The following ITGBL1 variants were observed in gnomAD, a reference collection of about 807,000 sequenced individuals.
ITGBL1 encodes the protein integrin beta-like protein 1.
In ITGBL1, 51 loss-of-function variants were observed where a neutral mutation model predicts 68.5. That is an observed-to-expected ratio of 0.74 (90% CI 0.59 to 0.94). The LOEUF (loss-of-function observed/expected upper bound fraction) is 0.94. Ranked by LOEUF, ITGBL1 falls within the 40% of genes least tolerant of loss-of-function variation. The pLI is 0.00. For missense variants in ITGBL1, 649 were observed against 647.4 expected (o/e 1.00, Z -0.03); for synonymous variants, 209 against 227.3 (o/e 0.92, Z 0.72).
At chr13:101,672,807 G>A (rs1283027277) in intron 7 of ITGBL1, among the ~76,000 whole-genome samples, 1 of 152,038 alleles carries the variant, frequency 6.6e-6, no homozygotes, top group Non-Finnish European at 1.5e-5. Context: ...CATTCCATGT[G>A]TGCGTGTCCA....
intron 2 of ITGBL1, among the ~76,000 whole-genome samples, chr13:101,462,254 C>G (rs578122298): frequency 6.6e-6 from 1 of 152,294 alleles, no homozygotes; most frequent in Admixed American, 6.5e-5. Context: ...TGTATTTTAA[C>G]TAGACTGAAC....
At chr13:101,679,244 C>G (rs2033583057) in intron 7 of ITGBL1, among the ~76,000 whole-genome samples, 1 of 152,162 alleles carries the variant, frequency 6.6e-6, no homozygotes. Flanking sequence ...CTGATTATAT[C>G]AACGACAACA....
intron 7 of ITGBL1, among the ~76,000 whole-genome samples, chr13:101,659,729 G>A (rs2033033147): frequency 6.6e-6 from 1 of 152,096 alleles, no homozygotes; most frequent in African/African-American, 2.4e-5. Flanking sequence ...CCAAAGTGCT[G>A]GGATTACAGG....
At chr13:101,637,843 C>T (rs1489334990) in intron 7 of ITGBL1, among the ~76,000 whole-genome samples, 1 of 152,146 alleles carries the variant, frequency 6.6e-6, no homozygotes, top group Non-Finnish European at 1.5e-5. Flanking sequence ...TCTTAGAGGT[C>T]ATTTAGCAGC....
intron 8 of ITGBL1, among the ~76,000 whole-genome samples, chr13:101,696,485 T>A (rs2034004766): frequency 6.6e-6 from 1 of 152,178 alleles, no homozygotes; most frequent in East Asian, 1.9e-4. Context: ...CTTGGATATG[T>A]TGCTCCCTTT....
At chr13:101,605,311 T>C (rs1260415327) in intron 7 of ITGBL1, among the ~76,000 whole-genome samples, 1 of 57,220 alleles carries the variant, frequency 1.7e-5, no homozygotes, top group Non-Finnish European at 3.4e-5. Context: ...TATAGGCATG[T>C]ATATATGCAT....
chr13:101,537,107 G>C (rs1049304843), intron 2 of ITGBL1, among the ~76,000 whole-genome samples: 3 of 151,916 alleles, frequency 2.0e-5, no homozygotes, highest in African/African-American at 7.2e-5. Context: ...CAAGGTTAAA[G>C]TCGTACCTTC....
chr13:101,516,294 A>G (rs2049194212), intron 2 of ITGBL1, among the ~76,000 whole-genome samples: 1 of 152,124 alleles, frequency 6.6e-6, no homozygotes, highest in East Asian at 1.9e-4. Flanking sequence ...GACAATTGTG[A>G]TTAAAAAGCA....
intron 7 of ITGBL1, among the ~76,000 whole-genome samples, chr13:101,686,514 T>A (rs1259174468): frequency 1.3e-5 from 2 of 151,430 alleles, no homozygotes; most frequent in Non-Finnish European, 2.9e-5. Flanking sequence ...TCCAGAATTA[T>A]TTTTACATAT....
At chr13:101,643,907 T>C (rs957816417) in intron 7 of ITGBL1, among the ~76,000 whole-genome samples, 1 of 152,218 alleles carries the variant, frequency 6.6e-6, no homozygotes, top group Non-Finnish European at 1.5e-5. Context: ...TACCAAGCTC[T>C]TTCTCTTCTT....
chr13:101,610,283 C>T (rs1336581721), intron 7 of ITGBL1, among the ~76,000 whole-genome samples: 3 of 152,110 alleles, frequency 2.0e-5, no homozygotes, highest in Non-Finnish European at 4.4e-5. Flanking sequence ...TTCATAGAAT[C>T]AGCCTCAACA....
chr13:101,604,875 T>C lies in ITGBL1; in HGVS notation c.1015+6576T>C, dbSNP rs981416706. Among the ~76,000 whole-genome samples the C allele has an allele frequency of 5.9e-3, 119 of 20,308 alleles. 8 individuals carry two copies. Among genetic ancestry groups the C allele is most frequent in the Middle Eastern group, 0.1 (1 of 10 alleles). The allele number at this position is 20,308 out of a possible 152,430, so 13.3% of individuals were successfully genotyped here. On this transcript the variant is annotated intron_variant, in intron 7 of 10. Coordinates refer to ENST00000376180, the MANE Select transcript of ITGBL1 (RefSeq NM_004791.3). Reference sequence around the variant, plus strand: ...ATATATATATATATATATATATATATATATATATATATACACACACACACA... The same window carrying C: ...ATATATATATATATATATATATATACATATATATATATACACACACACACA...
chr13:101,699,748 G>A (rs967209602), intron 8 of ITGBL1, among the ~76,000 whole-genome samples: 1 of 152,204 alleles, frequency 6.6e-6, no homozygotes, highest in Non-Finnish European at 1.5e-5. Context: ...GGTCCATGTA[G>A]ATGATTCTCC....
intron 2 of ITGBL1, among the ~76,000 whole-genome samples, chr13:101,488,460 A>G (rs2048730808): frequency 6.6e-6 from 1 of 152,170 alleles, no homozygotes; most frequent in African/African-American, 2.4e-5. Context: ...AACTGGAGTG[A>G]TTTCAGGAAT....
At chr13:101,530,869 C>G (rs2049461690) in intron 2 of ITGBL1, among the ~76,000 whole-genome samples, 1 of 152,136 alleles carries the variant, frequency 6.6e-6, no homozygotes, top group South Asian at 2.1e-4. Flanking sequence ...CTTGGACTGA[C>G]TATCAACTTC....
At chr13:101,718,232 GTGTT>G (rs2034797623), downstream of ITGBL1, 2 of 152,110 alleles carry the variant, frequency 1.3e-5, no homozygotes, top group South Asian at 2.1e-4. Context: ...GTGTATGTGT[GTGTT>G]TGTGTGTGTA....
At chr13:101,697,124 A>C (rs2034021304) in intron 8 of ITGBL1, among the ~76,000 whole-genome samples, 1 of 151,626 alleles carries the variant, frequency 6.6e-6, no homozygotes, top group South Asian at 2.1e-4. Context: ...TTACTTACTC[A>C]TGTATTATTT....
At chr13:101,559,373 T>A (rs1240497218) in intron 2 of ITGBL1, among the ~76,000 whole-genome samples, 2 of 152,232 alleles carry the variant, frequency 1.3e-5, no homozygotes, top group Non-Finnish European at 2.9e-5. Context: ...TGCATGTGAA[T>A]ACAGTGAAGT....
At chr13:101,539,050 CTTTTTTTT>C (rs35288585) in intron 2 of ITGBL1, among the ~76,000 whole-genome samples, 2 of 99,624 alleles carry the variant, frequency 2.0e-5, no homozygotes, top group Admixed American at 1.2e-4. Context: ...TGTGCTGCTT[CTTTTTTTT>C]TTTTTTTTTT....
Sources: gnomAD v4.1 joint callset for allele counts (sites outside exome capture counted in the v4.1 genomes callset) on GRCh38, gnomAD v4.1.1 for gene constraint, MANE v1.5 for transcripts, NCBI Gene and HGNC (gene_info 2026-07-23, HGNC 2026-07-21) for gene names.